The following ZCCHC14 variants were observed in gnomAD, a reference collection of about 807,000 sequenced individuals.
The protein encoded by ZCCHC14 is zinc finger CCHC-type containing 14, also known as zinc finger CCHC domain-containing protein 14.
A neutral mutation model predicts 85.0 loss-of-function variants in ZCCHC14; 16 were observed. The ratio of observed to expected loss-of-function variants is 0.19; its 90% CI spans 0.13 to 0.29. The LOEUF (loss-of-function observed/expected upper bound fraction) is 0.29. Among genes scored for constraint, ZCCHC14 ranks in the 10% least tolerant of loss-of-function variants. The pLI, the probability that ZCCHC14 is intolerant of heterozygous loss-of-function variation, is 1.00. For missense variants in ZCCHC14, 1,303 were observed against 1,443.5 expected (o/e 0.90, Z 1.58); for synonymous variants, 775 against 630.7 (o/e 1.23, Z -3.43).
intron 4 of ZCCHC14, among the ~76,000 whole-genome samples, chr16:87,423,440 T>A (rs941211487): frequency 6.6e-6 from 1 of 152,078 alleles, no homozygotes; most frequent in Non-Finnish European, 1.5e-5. Flanking sequence ...TAGAACTAGG[T>A]GAAGTCTCTA....
chr16:87,431,430 G>A (rs189936215), intron 3 of ZCCHC14, among the ~76,000 whole-genome samples: 50 of 147,012 alleles, frequency 3.4e-4, no homozygotes, highest in East Asian at 1.0e-3. Context: ...CCGAGATCGC[G>A]TCACTGCACT....
At chr16:87,450,566 T>G (rs547582259) in intron 2 of ZCCHC14, among the ~76,000 whole-genome samples, 9 of 151,436 alleles carry the variant, frequency 5.9e-5, no homozygotes, top group African/African-American at 2.2e-4. Context: ...TGATAATAGA[T>G]TCTTTTTTTT....
chr16:87,424,213 CT>C (rs1909250342), intron 3 of ZCCHC14, among the ~76,000 whole-genome samples: 1 of 152,220 alleles, frequency 6.6e-6, no homozygotes, highest in Admixed American at 6.5e-5. Context: ...AGGGGACCTC[CT>C]CTTCTTAAGT....
chr16:87,480,103 G>C (rs1330970832), intron 1 of ZCCHC14, among the ~76,000 whole-genome samples: 2 of 151,768 alleles, frequency 1.3e-5, no homozygotes, highest in Non-Finnish European at 2.9e-5. Flanking sequence ...AAAATATAAA[G>C]TTAAAAATAA....
In ZCCHC14 at chr16:87,435,895, G is replaced by A. The variant is rs1909898140; in HGVS notation, c.695-2694C>T. Among the ~76,000 whole-genome samples, 4 of 152,380 alleles carry A rather than the reference G, an allele frequency of 2.6e-5. No homozygotes were observed. In the South Asian group the frequency reaches 8.3e-4, roughly 32 times the overall value. Reference sequence around the variant, plus strand: ...TGTTCACTTAGTGGAACTACACGCTGTTCCTGCCTGACTTCCTCAGTCAGA... The same window carrying A: ...TGTTCACTTAGTGGAACTACACGCTATTCCTGCCTGACTTCCTCAGTCAGA... On this transcript the variant is annotated intron_variant, in intron 2 of 12. Transcript: ENST00000671377.
At chr16:87,479,109 T>C (rs564799904) in intron 1 of ZCCHC14, among the ~76,000 whole-genome samples, 1 of 152,196 alleles carries the variant, frequency 6.6e-6, no homozygotes, top group African/African-American at 2.4e-5. Flanking sequence ...ATGTTTTAAT[T>C]AGAGTCATTA....
intron 2 of ZCCHC14, among the ~76,000 whole-genome samples, chr16:87,437,176 A>G (rs1419140379): frequency 6.6e-6 from 1 of 151,856 alleles, no homozygotes; most frequent in African/African-American, 2.4e-5. Context: ...GTCTCTAGTA[A>G]AAATACAAAA....
At chr16:87,414,132 A>C (rs1322441701) in intron 10 of ZCCHC14, among the ~76,000 whole-genome samples, 1 of 135,136 alleles carries the variant, frequency 7.4e-6, no homozygotes, top group Non-Finnish European at 1.5e-5. Context: ...CTCTCTGTGT[A>C]CGAGTAACCC....
intron 2 of ZCCHC14, among the ~76,000 whole-genome samples, chr16:87,434,784 G>A (rs1288097387): frequency 6.6e-6 from 1 of 152,166 alleles, no homozygotes; most frequent in Non-Finnish European, 1.5e-5. Flanking sequence ...AAGGTCAGGA[G>A]TTCGAGAGCA....
At chr16:87,439,714 T>TA (rs1910095718) in intron 2 of ZCCHC14, among the ~76,000 whole-genome samples, 3 of 152,262 alleles carry the variant, frequency 2.0e-5, no homozygotes, top group Admixed American at 2.0e-4. Context: ...CAAGTTACAT[T>TA]AAAAAACCAC....
intron 1 of ZCCHC14, among the ~76,000 whole-genome samples, chr16:87,484,673 C>G (rs1400732071): frequency 2.0e-5 from 3 of 152,208 alleles, no homozygotes; most frequent in Non-Finnish European, 2.9e-5. Context: ...GCCTTTTCTG[C>G]TAGCTGCTCA....
In ZCCHC14 at chr16:87,412,975, A is replaced by T. The variant is rs1035391405; in HGVS notation, c.1746T>A (p.Arg582=). 1 of 1,612,416 alleles carries T rather than the reference A, an allele frequency of 6.2e-7. No individual in the cohort carries two copies. Among genetic ancestry groups the T allele is most frequent in the African/African-American group, 1.3e-5 (1 of 74,860 alleles). The change falls in exon 12 of 13, where the codon CGT becomes CGA. Residue 582 remains arginine, a splice_region_variant and synonymous_variant. Coordinates refer to ENST00000671377, the MANE Select transcript of ZCCHC14 (RefSeq NM_015144.3). ...SSDSAEENDR[R]VEIHLESSDK... is the part of the protein sequence containing the mutation. The stretch of plus-strand genomic sequence containing the variant: ...CAGAGCTCTCCAAGTGAATCTCCAC[A>T]CCTAGAGAGGGAAACAAGAGTGGTC...
At chr16:87,481,855 G>A (rs1006057896) in intron 1 of ZCCHC14, among the ~76,000 whole-genome samples, 2 of 152,150 alleles carry the variant, frequency 1.3e-5, no homozygotes, top group Admixed American at 1.3e-4. Flanking sequence ...ATAAAGAAAA[G>A]AAATGTATTT....
intron 2 of ZCCHC14, among the ~76,000 whole-genome samples, chr16:87,435,484 C>T (rs977316339): frequency 6.6e-6 from 1 of 152,252 alleles, no homozygotes; most frequent in African/African-American, 2.4e-5. Context: ...GGCTGAGGAG[C>T]TGTGCCAGAC....
intron 1 of ZCCHC14, among the ~76,000 whole-genome samples, chr16:87,489,715 T>C (rs1230903846): frequency 3.9e-5 from 6 of 152,158 alleles, no homozygotes; most frequent in Admixed American, 2.6e-4. Flanking sequence ...CAGAGAGGAA[T>C]AGATTAGCCC....
chr16:87,474,893 G>T (rs148264081), intron 1 of ZCCHC14, among the ~76,000 whole-genome samples: 4 of 152,224 alleles, frequency 2.6e-5, no homozygotes, highest in African/African-American at 9.7e-5. Context: ...ACTGAGCAGA[G>T]ATATTAGCTG....
At chr16:87,490,642 G>A (rs1324596506) in intron 1 of ZCCHC14, among the ~76,000 whole-genome samples, 3 of 152,158 alleles carry the variant, frequency 2.0e-5, no homozygotes, top group African/African-American at 7.2e-5. Flanking sequence ...TTAAGGCATC[G>A]GTGCCCTCCC....
intron 2 of ZCCHC14, among the ~76,000 whole-genome samples, chr16:87,453,818 G>A (rs904296745): frequency 5.3e-5 from 8 of 152,204 alleles, no homozygotes; most frequent in African/African-American, 1.7e-4. Flanking sequence ...GAGAAAACGC[G>A]ATGAATGGAC....
chr16:87,419,061 A>G (rs1212188033), intron 6 of ZCCHC14, among the ~76,000 whole-genome samples, 160 bp from the exon 7 acceptor site: 1 of 152,044 alleles, frequency 6.6e-6, no homozygotes. Flanking sequence ...GGTTCAAGTG[A>G]TTCTCCTGCC....
Sources: gnomAD v4.1 joint callset for allele counts (sites outside exome capture counted in the v4.1 genomes callset) on GRCh38, gnomAD v4.1.1 for gene constraint, MANE v1.5 for transcripts, NCBI Gene and HGNC (gene_info 2026-07-23, HGNC 2026-07-21) for gene names.